ATIC: variants seen among roughly 807,000 people sequenced by gnomAD.
The protein encoded by ATIC is 5-aminoimidazole-4-carboxamide ribonucleotide formyltransferase/IMP cyclohydrolase.
In ATIC, 64 loss-of-function variants were observed where a neutral mutation model predicts 72.5. The ratio of observed to expected loss-of-function variants is 0.88; its 90% CI spans 0.72 to 1.09. The LOEUF (loss-of-function observed/expected upper bound fraction) is 1.09, where lower values mean the gene tolerates loss of function less well. Ranked by LOEUF, ATIC falls within the 50% of genes least tolerant of loss-of-function variation. The pLI, the probability that ATIC is intolerant of heterozygous loss-of-function variation, is 0.00. For missense variants in ATIC, 787 were observed against 732.4 expected, an observed-to-expected ratio of 1.07 and a Z score of -0.86; for synonymous variants, 281 against 267.1, an observed-to-expected ratio of 1.05 and a Z score of -0.51.
chr2:215,347,090 C>A (rs1302696117), intron 14 of ATIC, 149 bp downstream of exon 14: 9 of 1,040,702 alleles, frequency 8.6e-6, no homozygotes, highest in Non-Finnish European at 1.4e-6. Flanking sequence ...AAACTTCTTA[C>A]ACATTTCTCA....
intron 12 of ATIC, 33 bp from the exon 13 acceptor site, chr2:215,344,746 C>A (rs771257711): frequency 6.3e-7 from 1 of 1,586,404 alleles, no homozygotes; most frequent in East Asian, 2.2e-5. Context: ...TTTAAAAGGC[C>A]CCATGCAATT....
intron 4 of ATIC, among the ~76,000 whole-genome samples, chr2:215,324,969 A>G (rs2052806601): frequency 6.6e-6 from 1 of 152,152 alleles, no homozygotes; most frequent in Non-Finnish European, 1.5e-5. Context: ...AGGTTATGCA[A>G]GCAGCAGCGT....
downstream of ATIC, among the ~76,000 whole-genome samples, chr2:215,353,015 A>G (rs541289612): frequency 2.0e-5 from 3 of 152,250 alleles, no homozygotes; most frequent in East Asian, 5.8e-4. Flanking sequence ...AGGTTTTGAG[A>G]CTTCCCTCCA....
rs143145939 is a variant in ATIC, at chr2:215,341,368, G to A, written c.1227+2461G>A. 4.0e-3 allele frequency among the ~76,000 whole-genome samples: 603 copies of A among 152,184 alleles called. 13 individuals are homozygous for A. In the East Asian group the frequency reaches 0.05, roughly 13 times the overall value. On this transcript the variant is annotated intron_variant, in intron 12 of 15. Transcript: ENST00000236959. ...ACTGAGAGTCTTTTTTCTAAGGTTT[G>A]TAGATATTGGATTCATTAATAATTT... is the stretch of plus-strand genomic sequence containing the variant.
intron 7 of ATIC, among the ~76,000 whole-genome samples, chr2:215,329,312 A>G (rs868469743): frequency 2.6e-5 from 4 of 152,224 alleles, no homozygotes; most frequent in Admixed American, 6.5e-5. Context: ...TCATTGGACT[A>G]TATAAAAGCC....
intron 4 of ATIC, among the ~76,000 whole-genome samples, chr2:215,324,670 T>G (rs1351493758): frequency 1.3e-5 from 2 of 152,218 alleles, no homozygotes; most frequent in African/African-American, 4.8e-5. Flanking sequence ...GGAACTGTAC[T>G]TCACTGATTG....
At chr2:215,330,948 T>C (rs1040475927) in intron 7 of ATIC, among the ~76,000 whole-genome samples, 3 of 152,178 alleles carry the variant, frequency 2.0e-5, no homozygotes, top group Admixed American at 1.3e-4. Context: ...TTAAGTTTCT[T>C]CCACATCTTT....
intron 1 of ATIC, 80 bp from the exon 2 acceptor site, chr2:215,312,418 C>A: frequency 6.2e-7 from 1 of 1,609,806 alleles, no homozygotes; most frequent in Non-Finnish European, 8.5e-7. Flanking sequence ...CGAGAATCTC[C>A]TCCCCCAGAC....
chr2:215,332,598 A>T, intron 8 of ATIC, 91 bp downstream of exon 8: 5 of 1,495,020 alleles, frequency 3.3e-6, no homozygotes, highest in Non-Finnish European at 4.5e-6. Flanking sequence ...TAATGTGAAT[A>T]TAGACATGCT....
Position 215,346,840 on chromosome 2 carries a change from A to C in ATIC, c.1402A>C (p.Arg468=), listed in dbSNP as rs760084672. Residue 468 remains arginine, a synonymous_variant, in exon 14 of 16, where the codon AGA becomes CGA. Coordinates refer to ENST00000236959, the MANE Select transcript of ATIC (RefSeq NM_004044.7). ...AGDKANYWWL[R]HHPQVLSMKF... ...AGATAAGGCAAACTATTGGTGGCTTAGACACCATCCACAAGTGCTTTCGAT... is the reference window on the plus strand; with the variant it reads ...AGATAAGGCAAACTATTGGTGGCTTCGACACCATCCACAAGTGCTTTCGAT... The C allele has an allele frequency of 3.7e-6, 6 of 1,614,114 alleles. No homozygotes were observed. In the African/African-American group the frequency reaches 8.0e-5, roughly 22 times the overall value.
intron 10 of ATIC, 130 bp from the exon 11 acceptor site, chr2:215,335,905 G>A (rs1332752044): frequency 4.3e-6 from 3 of 703,884 alleles, no homozygotes; most frequent in African/African-American, 3.6e-5. Flanking sequence ...TATAGCGTTA[G>A]CATTGTTTGT....
chr2:215,338,244 ATTCC>A (rs1298614554), intron 11 of ATIC, among the ~76,000 whole-genome samples: 4 of 152,214 alleles, frequency 2.6e-5, no homozygotes, highest in African/African-American at 7.2e-5. Flanking sequence ...AATGATACAA[ATTCC>A]TTCCAAATAG....
the ATIC span, chr2:215,361,759 C>G: frequency 1.1e-5 from 11 of 1,003,246 alleles, no homozygotes; most frequent in South Asian, 1.5e-4. Flanking sequence ...GTTTCAAGAA[C>G]CTAGCAGCAT....
chr2:215,332,395 C>T lies in ATIC; in HGVS notation c.702C>T (p.Ala234=), dbSNP rs55726617. ...TTTTACATTTAGTTCTAAATGGAGCCCCTGGATTTATAAACTTGTGCGATG... is the reference window on the plus strand; with the variant it reads ...TTTTACATTTAGTTCTAAATGGAGCTCCTGGATTTATAAACTTGTGCGATG... ...PKLPITVLNG[A]PGFINLCDAL... is the part of the protein sequence containing the mutation. Residue 234 remains alanine, a synonymous_variant, in exon 8 of 16, where the codon GCC becomes GCT. Coordinates refer to ENST00000236959, the MANE Select transcript of ATIC (RefSeq NM_004044.7). 6.2e-6 allele frequency: 10 copies of T among 1,613,838 alleles called. No individual in the cohort carries two copies. The highest frequency in any genetic ancestry group is 1.3e-5 in the African/African-American group (1 of 74,896).
chr2:215,358,499 G>A, the ATIC span, among the ~76,000 whole-genome samples: 1 of 151,878 alleles, frequency 6.6e-6, no homozygotes, highest in Non-Finnish European at 1.5e-5. Flanking sequence ...TGTTTAGCTG[G>A]GAGCTTATCA....
At chr2:215,313,472 G>A (rs1449110471) in intron 2 of ATIC, among the ~76,000 whole-genome samples, 1 of 152,150 alleles carries the variant, frequency 6.6e-6, no homozygotes, top group African/African-American at 2.4e-5. Context: ...CATTCTGGGA[G>A]GAGAGGGAGG....
intron 4 of ATIC, among the ~76,000 whole-genome samples, chr2:215,324,341 C>T (rs74743134): frequency 6.6e-6 from 1 of 152,096 alleles, no homozygotes; most frequent in Non-Finnish European, 1.5e-5. Context: ...TATATGAATA[C>T]CTGTTGAATT....
At chr2:215,365,273 A>C in the ATIC span, among the ~76,000 whole-genome samples, 1 of 152,218 alleles carries the variant, frequency 6.6e-6, no homozygotes, top group Admixed American at 6.5e-5. Flanking sequence ...ACTGCAGATA[A>C]TGGTCAAAAT....
chr2:215,318,298 C>T lies in ATIC; in HGVS notation c.223+65C>T, dbSNP rs1015971848. ...TTTCCAGGAATATTTTAGTTGATAG[C>T]GTCCTAAAATAAAGGAAGAAAAAGG... On this transcript the variant is annotated intron_variant, in intron 3 of 15. Coordinates refer to ENST00000236959, the MANE Select transcript of ATIC (RefSeq NM_004044.7). 41 of 1,428,332 alleles carry T rather than the reference C, an allele frequency of 2.9e-5. No individual in the cohort carries two copies. In the South Asian group the frequency reaches 3.3e-4, roughly 12 times the overall value. The allele number at this position is 1,428,332 out of a possible 1,614,324, so 88.5% of individuals were successfully genotyped here.
Sources: allele counts gnomAD v4.1 joint callset (sites outside exome capture counted in the v4.1 genomes callset), GRCh38; gene constraint gnomAD v4.1.1; transcripts MANE v1.5; gene names NCBI Gene and HGNC (gene_info 2026-07-23, HGNC 2026-07-21).